CCDC186: variants seen among roughly 807,000 people sequenced by gnomAD.
The protein encoded by CCDC186 is coiled-coil domain-containing protein 186.
A neutral mutation model predicts 113.7 loss-of-function variants in CCDC186; 49 were observed. That is an observed-to-expected ratio of 0.43 (90% CI 0.34 to 0.55). The LOEUF is 0.55. Among genes scored for constraint, CCDC186 ranks in the 20% least tolerant of loss-of-function variants. The pLI is 0.02. For missense variants in CCDC186, 890 were observed against 1,011.1 expected, an observed-to-expected ratio of 0.88 and a Z score of 1.62; for synonymous variants, 355 against 345.8, an observed-to-expected ratio of 1.03 and a Z score of -0.30.
At chr10:114,138,440 T>C (rs2031353435) in intron 6 of CCDC186, among the ~76,000 whole-genome samples, 1 of 151,224 alleles carries the variant, frequency 6.6e-6, no homozygotes, top group Non-Finnish European at 1.5e-5. Context: ...ATTACAAGTA[T>C]GTGCCACCAC....
At position 114,122,901 on chromosome 10, in the gene CCDC186, A is replaced by G. The variant is rs2030773994; in HGVS notation, c.*2242T>C. On this transcript the variant is annotated 3_prime_UTR_variant, in exon 16 of 16. Transcript: ENST00000369287. ...TATTGTTTGTAATACTTTTCTTCTA[A>G]AATTTTCTCATTAAACTTCTCCAAG... 1 of 152,186 alleles carries G rather than the reference A, an allele frequency of 6.6e-6. No homozygotes were observed. The highest frequency in any genetic ancestry group is 1.5e-5 in the Non-Finnish European group (1 of 68,026). The allele number at this position is 152,186 out of a possible 1,614,324, so 9.4% of individuals were successfully genotyped here.
Position 114,163,230 on chromosome 10 carries a change from A to T in CCDC186, c.39T>A (p.Asp13Glu), listed in dbSNP as rs1483696904. Reference protein sequence around the residue: ...ETDHIASTSSDKNVGKTPELK... With the variant: ...ETDHIASTSSEKNVGKTPELK... ...ATTCAGGTGTTTTCCCAACATTTTT[A>T]TCAGAGGAAGTAGAGGCTATGTGGT... The change falls in exon 2 of 16, where the codon GAT (aspartate) becomes GAA (glutamate). Residue 13 changes from aspartate (D) to glutamate (E), a missense_variant. Asp to Glu is a conservative substitution (Grantham distance 45, BLOSUM62 2). Transcript: ENST00000369287. The T allele has an allele frequency of 6.2e-7, 1 of 1,613,240 alleles. No individual in the cohort carries two copies. Among genetic ancestry groups the T allele is most frequent in the South Asian group, 1.1e-5 (1 of 91,086 alleles).
rs35615169 is a variant in CCDC186 at position 114,164,114 on chromosome 10, AT to A, written c.-61-786del. 5.2e-3 allele frequency among the ~76,000 whole-genome samples: 413 copies of A among 79,216 alleles called. 8 individuals are homozygous for A. Among genetic ancestry groups the A allele is most frequent in the East Asian group, 0.022 (60 of 2,780 alleles). The allele number at this position is 79,216 out of a possible 152,430, so 52.0% of individuals were successfully genotyped here. ...TGTGTGTGTGTGTGTATATATATAT[AT>A]TTTTTTTTTTTTTTTTTTTTTTGGG... On this transcript the variant is annotated intron_variant, in intron 1 of 15. Transcript: ENST00000369287.
At position 114,142,260 on chromosome 10, in the gene CCDC186, A is replaced by G. The variant is rs867299183; in HGVS notation, c.1221+2237T>C. ...ATAAAATACACCAAGCCCTTGTCAC[A>G]CATTAGGCCTGTACTATATTACCAT... On this transcript the variant is annotated intron_variant, in intron 6 of 15. Coordinates refer to ENST00000369287, the MANE Select transcript of CCDC186 (RefSeq NM_018017.4). Among the ~76,000 whole-genome samples the G allele has an allele frequency of 6.0e-4, 92 of 152,192 alleles. 1 individual carries two copies. The highest frequency in any genetic ancestry group is 1.9e-3 in the African/African-American group (77 of 41,438).
chr10:114,160,124 G>A (rs2032126665), intron 2 of CCDC186, among the ~76,000 whole-genome samples: 1 of 152,078 alleles, frequency 6.6e-6, no homozygotes. Context: ...ACAAAAATTA[G>A]CCGGGTGTAG....
intron 1 of CCDC186, among the ~76,000 whole-genome samples, chr10:114,166,511 GA>G (rs2032339736): frequency 6.6e-6 from 1 of 152,194 alleles, no homozygotes; most frequent in African/African-American, 2.4e-5. Context: ...CCTTTTTGAA[GA>G]GGCAGCATTT....
In CCDC186 at chr10:114,131,355, A is replaced by C. The variant is rs2031081749; in HGVS notation, c.1912-19T>G. The C allele has an allele frequency of 1.3e-6, 2 of 1,522,490 alleles. No homozygotes were observed. Among genetic ancestry groups the C allele is most frequent in the East Asian group, 4.9e-5 (2 of 40,950 alleles). 94.3% of individuals were successfully genotyped at this position (1,522,490 alleles called of 1,614,324 possible). A position where few individuals can be genotyped will look rare whatever the true frequency, so the allele number is the denominator to read the frequency against. On this transcript the variant is annotated intron_variant, in intron 11 of 15. Transcript: ENST00000369287. ...TACTTTCCTGAATAGTAAGTAAAAC[A>C]AAAACCACCAATTTTAGTATGTTTG...
chr10:114,125,815 A>T, intron 15 of CCDC186, 71 bp downstream of exon 15: 1 of 1,293,442 alleles, frequency 7.7e-7, no homozygotes, highest in Non-Finnish European at 1.1e-6. Context: ...GCTGATTGCT[A>T]GATCAGACTG....
chr10:114,134,023 A>C (rs1379231175), intron 10 of CCDC186, among the ~76,000 whole-genome samples: 1 of 152,236 alleles, frequency 6.6e-6, no homozygotes, highest in Admixed American at 6.5e-5. Flanking sequence ...AGAAGAGATG[A>C]AATCCATAGC....
chr10:114,137,435 CAA>C (rs1564908130), intron 6 of CCDC186, 145 bp from the exon 7 acceptor site: 5 of 611,692 alleles, frequency 8.2e-6, no homozygotes, highest in Non-Finnish European at 8.6e-6. Flanking sequence ...ATGTTTCTGA[CAA>C]AAAATTAAAA....
intron 3 of CCDC186, 56 bp from the exon 4 acceptor site, chr10:114,151,276 A>G (rs1476153871): frequency 5.9e-6 from 7 of 1,178,024 alleles, no homozygotes; most frequent in Non-Finnish European, 7.2e-6. Context: ...TACACCACCA[A>G]TACTGCAAAT....
chr10:114,137,305 G>C lies in CCDC186; in HGVS notation c.1222-15C>G, dbSNP rs190468427. 8.8e-6 allele frequency: 14 copies of C among 1,596,006 alleles called. No homozygotes were observed. In the Middle Eastern group the frequency reaches 6.6e-4, roughly 76 times the overall value. On this transcript the variant is annotated splice_polypyrimidine_tract_variant and intron_variant, in intron 6 of 15. Transcript: ENST00000369287. Reference sequence around the variant, plus strand: ...TCTTTGGTTTCCTGCATTGACAAAAGACAGAGACACAGTTGGGTACAGCAA... The same window carrying C: ...TCTTTGGTTTCCTGCATTGACAAAACACAGAGACACAGTTGGGTACAGCAA...
At chr10:114,148,552 T>C (rs762791258) in intron 4 of CCDC186, among the ~76,000 whole-genome samples, 1 of 152,216 alleles carries the variant, frequency 6.6e-6, no homozygotes, top group Non-Finnish European at 1.5e-5. Context: ...TCTACAAGTA[T>C]GGCAGATAAA....
chr10:114,168,596 C>A (rs2032401671), intron 1 of CCDC186, among the ~76,000 whole-genome samples: 1 of 152,180 alleles, frequency 6.6e-6, no homozygotes, highest in Non-Finnish European at 1.5e-5. Flanking sequence ...GGTCTTGTGA[C>A]TTGGCACAAG....
At chr10:114,144,703 G>C in intron 5 of CCDC186, 87 bp from the exon 6 acceptor site, 1 of 1,197,576 alleles carries the variant, frequency 8.4e-7, no homozygotes, top group Non-Finnish European at 1.2e-6. Context: ...AATCAGTCCA[G>C]TAACACTATA....
chr10:114,141,560 C>T (rs2119753248), intron 6 of CCDC186, among the ~76,000 whole-genome samples: 1 of 152,196 alleles, frequency 6.6e-6, no homozygotes, highest in Admixed American at 6.5e-5. Flanking sequence ...GAACAATTTC[C>T]TAGCCTTGTG....
chr10:114,163,017 G>T lies in CCDC186; in HGVS notation c.252C>A (p.Asp84Glu). Residue 84 changes from aspartate to glutamate, a missense_variant, in exon 2 of 16, where the codon GAC becomes GAA. By Grantham distance (45) the Asp-to-Glu change is conservative. Coordinates refer to ENST00000369287, the MANE Select transcript of CCDC186 (RefSeq NM_018017.4). ...GGGEDSCAKTDTGSENSEQIA... is the reference protein window; with the variant it reads ...GGGEDSCAKTETGSENSEQIA... ...TTTGTTCAGAATTTTCTGAGCCTGT[G>T]TCTGTTTTGGCACAAGAATCCTCAC... 1 of 1,614,070 alleles carries T rather than the reference G, an allele frequency of 6.2e-7. No homozygotes were observed. Among genetic ancestry groups the T allele is most frequent in the Non-Finnish European group, 8.5e-7 (1 of 1,179,986 alleles).
chr10:114,133,188 G>A (rs1035993869), intron 10 of CCDC186, among the ~76,000 whole-genome samples: 3 of 152,180 alleles, frequency 2.0e-5, no homozygotes, highest in Non-Finnish European at 4.4e-5. Context: ...CTTGGACTAT[G>A]GTAGTAGCAG....
chr10:114,143,568 T>C (rs953966611), intron 6 of CCDC186, among the ~76,000 whole-genome samples: 1 of 152,230 alleles, frequency 6.6e-6, no homozygotes, highest in Admixed American at 6.5e-5. Flanking sequence ...TGCTGATTAG[T>C]AGGTCAGCTT....
Sources: allele counts gnomAD v4.1 joint callset (sites outside exome capture counted in the v4.1 genomes callset), GRCh38; gene constraint gnomAD v4.1.1; transcripts MANE v1.5; gene names NCBI Gene and HGNC (gene_info 2026-07-23, HGNC 2026-07-21).